STIL: variants seen among roughly 807,000 people sequenced by gnomAD.
STIL encodes STIL centriolar assembly protein.
A neutral mutation model predicts 110.1 loss-of-function variants in STIL; 55 were observed. The ratio of observed to expected loss-of-function variants is 0.50; its 90% CI spans 0.40 to 0.63. The LOEUF (loss-of-function observed/expected upper bound fraction) is 0.63, where lower values mean the gene tolerates loss of function less well. Ranked by LOEUF, STIL falls within the 20% of genes least tolerant of loss-of-function variation. The pLI is 0.00. For synonymous variants in STIL, 481 were observed against 530.0 expected (o/e 0.91, Z 1.27); for missense variants, 1,358 against 1,530.0 (o/e 0.89, Z 1.87).
chr1:47,305,110 AT>A, intron 2 of STIL, 114 bp from the exon 3 acceptor site: 1 of 765,938 alleles, frequency 1.3e-6, no homozygotes. Flanking sequence ...TACTTTTGTA[AT>A]TTTCAAAGAG....
At chr1:47,313,550 C>T (rs985210796) in intron 1 of STIL, among the ~76,000 whole-genome samples, 1 of 151,812 alleles carries the variant, frequency 6.6e-6, no homozygotes, top group African/African-American at 2.4e-5. Context: ...CCCGCCATCC[C>T]TCACAATCCA....
In STIL at chr1:47,302,477, C is replaced by A; in HGVS notation, c.153-131G>T. On this transcript the variant is annotated intron_variant, in intron 3 of 16. Transcript: ENST00000371877. ...CAGAAAGATCATTGTCAGGAAATCC[C>A]AGGGTCAAAGGCAGGGGATACGGAG... is the stretch of plus-strand genomic sequence containing the variant. 5 of 790,976 alleles carry A rather than the reference C, an allele frequency of 6.3e-6. No homozygotes were observed. In the South Asian group the frequency reaches 7.6e-5, roughly 12 times the overall value. 49.0% of individuals were successfully genotyped at this position (790,976 alleles called of 1,614,324 possible).
At chr1:47,288,567 G>A (rs907981987) in intron 9 of STIL, among the ~76,000 whole-genome samples, 1 of 152,032 alleles carries the variant, frequency 6.6e-6, no homozygotes, top group East Asian at 1.9e-4. Flanking sequence ...AAAGTGCTGG[G>A]ATTCGAGGTG....
At chr1:47,288,913 A>AAAAAT (rs1557751316) in intron 9 of STIL, among the ~76,000 whole-genome samples, 2 of 141,588 alleles carry the variant, frequency 1.4e-5, no homozygotes, top group African/African-American at 2.7e-5. Context: ...AAAAAAAAAA[A>AAAAAT]TAGCCAGGTG....
At chr1:47,306,176 T>A (rs1645956626) in intron 2 of STIL, among the ~76,000 whole-genome samples, 2 of 151,976 alleles carry the variant, frequency 1.3e-5, no homozygotes, top group South Asian at 4.1e-4. Context: ...AACAAGACAA[T>A]CCTACAAAAT....
At chr1:47,281,267 T>C in intron 11 of STIL, 58 bp from the exon 12 acceptor site, 1 of 1,519,636 alleles carries the variant, frequency 6.6e-7, no homozygotes, top group Non-Finnish European at 8.9e-7. Flanking sequence ...CTGTATACTT[T>C]ACTTTCCTCA....
chr1:47,260,677 C>T, intron 15 of STIL, 138 bp from the exon 16 acceptor site: 1 of 869,592 alleles, frequency 1.1e-6, no homozygotes, highest in Non-Finnish European at 1.8e-6. Flanking sequence ...GTTTAAGACC[C>T]TGGGCAACAC....
Position 47,250,204 on chromosome 1 carries a change from A to G in STIL, c.*932T>C, listed in dbSNP as rs1644150250. The G allele has an allele frequency of 5.9e-6, 1 of 170,028 alleles. No homozygotes were observed. The highest frequency in any genetic ancestry group is 6.4e-5 in the Admixed American group (1 of 15,682). 10.5% of individuals were successfully genotyped at this position (170,028 alleles called of 1,614,324 possible). A position where few individuals can be genotyped will look rare whatever the true frequency, so the allele number is the denominator to read the frequency against. On this transcript the variant is annotated 3_prime_UTR_variant, in exon 17 of 17. Coordinates refer to ENST00000371877, the MANE Select transcript of STIL (RefSeq NM_001048166.1). Reference sequence around the variant, plus strand: ...AAATATTAAGACATCTGAAAAACTCAGAAAGTTTATAAAACACACTCATAC... The same window carrying G: ...AAATATTAAGACATCTGAAAAACTCGGAAAGTTTATAAAACACACTCATAC...
In STIL at chr1:47,262,887, C is replaced by T. The variant is rs770989075; in HGVS notation, c.2829+16G>A. 46 of 1,610,804 alleles carry T rather than the reference C, an allele frequency of 2.9e-5. No individual in the cohort carries two copies. Among genetic ancestry groups the T allele is most frequent in the African/African-American group, 5.3e-5 (4 of 74,836 alleles). ...ATAACCTTCTCAAAAAGATGAAATG[C>T]TCTACATTTTCTTACCAATAAATCC... is the stretch of plus-strand genomic sequence containing the variant. On this transcript the variant is annotated intron_variant, in intron 15 of 16. Transcript: ENST00000371877.
chr1:47,288,122 C>G (rs1457969350), intron 9 of STIL, among the ~76,000 whole-genome samples: 1 of 148,830 alleles, frequency 6.7e-6, no homozygotes, highest in East Asian at 2.0e-4. Flanking sequence ...TATACATGAT[C>G]TCAAAGAAGG....
In STIL at chr1:47,260,422, T is replaced by G; in HGVS notation, c.2947A>C (p.Lys983Gln). 1 of 1,614,176 alleles carries G rather than the reference T, an allele frequency of 6.2e-7. No homozygotes were observed. Among genetic ancestry groups the G allele is most frequent in the Middle Eastern group, 1.6e-4 (1 of 6,062 alleles). ...TCCACCAGTCTTGAATGATGTGTTT[T>G]TTTCTTTGTATGGTAAACGTTTTGG... The part of the protein sequence containing the change: ...RTQNVYHTKK[K>Q]THHSRLVDKD... The change falls in exon 16 of 17, where the codon AAA becomes CAA. Residue 983 changes from lysine (K) to glutamine (Q), a missense_variant. Transcript: ENST00000371877.
At chr1:47,266,095 A>ATCCT (rs1410476970) in intron 14 of STIL, among the ~76,000 whole-genome samples, 2 of 152,100 alleles carry the variant, frequency 1.3e-5, no homozygotes, top group African/African-American at 4.8e-5. Flanking sequence ...AATTACTATG[A>ATCCT]TCCTTACCCT....
rs1645908157 is a variant in STIL at position 47,304,908 on chromosome 1, A to G, written c.133T>C (p.Leu45=). Residue 45 remains leucine (L), a synonymous_variant, in exon 3 of 17, where the codon TTA becomes CTA. Transcript: ENST00000371877. The stretch of plus-strand genomic sequence containing the variant: ...TTATACCTGTAGTAACTGAGATGTA[A>G]GTAGATGAAATCTCCAGTTGGCGTT... The part of the protein sequence containing the change: ...NPTPTGDFIY[L]HLSYYRNPKL... The G allele has an allele frequency of 2.5e-6, 4 of 1,612,666 alleles. No individual in the cohort carries two copies. The East Asian group carries it at 8.9e-5, about 36-fold the overall frequency.
chr1:47,281,304 A>G, intron 11 of STIL, 95 bp from the exon 12 acceptor site: 2 of 1,227,934 alleles, frequency 1.6e-6, no homozygotes, highest in Non-Finnish European at 2.2e-6. Context: ...ATTATATCTA[A>G]TTACATATTA....
chr1:47,278,967 T>A (rs566673878), intron 12 of STIL, among the ~76,000 whole-genome samples: 1 of 152,258 alleles, frequency 6.6e-6, no homozygotes, highest in South Asian at 2.1e-4. Context: ...ATGCAAACAC[T>A]ATAACTCCAA....
At chr1:47,273,517 C>A (rs896338321) in intron 12 of STIL, among the ~76,000 whole-genome samples, 1 of 152,212 alleles carries the variant, frequency 6.6e-6, no homozygotes, top group Non-Finnish European at 1.5e-5. Context: ...CATGTTGCAG[C>A]ATTTACTAAT....
At chr1:47,275,897 G>A (rs1331806753) in intron 12 of STIL, among the ~76,000 whole-genome samples, 1 of 152,086 alleles carries the variant, frequency 6.6e-6, no homozygotes, top group Non-Finnish European at 1.5e-5. Context: ...AAAATGCTGG[G>A]ATTACAGGCA....
At chr1:47,279,659 G>A (rs1301548854) in intron 12 of STIL, among the ~76,000 whole-genome samples, 2 of 150,812 alleles carry the variant, frequency 1.3e-5, no homozygotes, top group Admixed American at 6.6e-5. Flanking sequence ...AACTTGGGAG[G>A]CGGAGGTTGC....
At chr1:47,263,861 T>C (rs555205564) in intron 14 of STIL, among the ~76,000 whole-genome samples, 2 of 149,642 alleles carry the variant, frequency 1.3e-5, no homozygotes, top group Admixed American at 1.4e-4. Flanking sequence ...CAAGCGATTC[T>C]CCTGCCTCAG....
Sources: allele counts gnomAD v4.1 joint callset (sites outside exome capture counted in the v4.1 genomes callset), GRCh38; gene constraint gnomAD v4.1.1; transcripts MANE v1.5; gene names NCBI Gene and HGNC (gene_info 2026-07-23, HGNC 2026-07-21).